MPP7: variants seen among roughly 807,000 people sequenced by gnomAD.
MPP7 encodes the protein MAGUK p55 scaffold protein 7, also known as MAGUK p55 subfamily member 7.
A neutral mutation model predicts 76.5 loss-of-function variants in MPP7; 60 were observed. That is an observed-to-expected ratio of 0.78 (90% CI 0.64 to 0.97). The LOEUF (loss-of-function observed/expected upper bound fraction) is 0.97. Among genes scored for constraint, MPP7 ranks in the 50% least tolerant of loss-of-function variants. The pLI, the probability that MPP7 is intolerant of heterozygous loss-of-function variation, is 0.00. For synonymous variants in MPP7, 237 were observed against 244.5 expected, an observed-to-expected ratio of 0.97 and a Z score of 0.29; for missense variants, 641 against 694.0, an observed-to-expected ratio of 0.92 and a Z score of 0.86.
chr10:28,295,522 T>C (rs1270262445), intron 1 of MPP7, among the ~76,000 whole-genome samples: 1 of 152,134 alleles, frequency 6.6e-6, no homozygotes, highest in Non-Finnish European at 1.5e-5. Context: ...TCCAAATTTT[T>C]ACAACATGAC....
rs1834728219 is a variant in MPP7, at chr10:28,118,514, AGTC to A, written c.952+1134_952+1136del. ...CTATTTAAAAATCCCTTTGAGAGCC[AGTC>A]AGGCAAGGAGCCTCAAAGCTCCTTT... On this transcript the variant is annotated intron_variant, in intron 11 of 16. Coordinates refer to ENST00000683449, the MANE Select transcript of MPP7 (RefSeq NM_001318170.2). 3 of 985,284 alleles carry A rather than the reference AGTC, an allele frequency of 3.0e-6. No individual in the cohort carries two copies. The African/African-American group carries it at 5.2e-5, about 17-fold the overall frequency. 61.0% of individuals were successfully genotyped at this position (985,284 alleles called of 1,614,324 possible). A position where few individuals can be genotyped will look rare whatever the true frequency, so the allele number is the denominator to read the frequency against.
intron 3 of MPP7, among the ~76,000 whole-genome samples, chr10:28,164,623 G>A (rs1223370939): frequency 2.0e-5 from 3 of 151,914 alleles, no homozygotes; most frequent in Non-Finnish European, 4.4e-5. Context: ...CATGGGCCAC[G>A]TGCAGCCCAA....
intron 11 of MPP7, among the ~76,000 whole-genome samples, chr10:28,112,808 A>G (rs927102419): frequency 1.3e-5 from 2 of 151,810 alleles, no homozygotes; most frequent in East Asian, 4.0e-4. Flanking sequence ...CCAACAATCT[A>G]TGAGTCCAGT....
chr10:28,174,191 G>A (rs113644384), intron 3 of MPP7, among the ~76,000 whole-genome samples: 4,721 of 152,266 alleles, frequency 0.031, 94 homozygotes, highest in South Asian at 0.06. Context: ...TACACTGATC[G>A]TGGCAATACA....
At chr10:28,190,913 A>G (rs1325146909) in intron 3 of MPP7, among the ~76,000 whole-genome samples, 1 of 152,130 alleles carries the variant, frequency 6.6e-6, no homozygotes, top group African/African-American at 2.4e-5. Context: ...AAAAGAGATA[A>G]GATACAAATT....
chr10:28,069,081 T>C (rs1852105166), intron 13 of MPP7, among the ~76,000 whole-genome samples: 1 of 152,138 alleles, frequency 6.6e-6, no homozygotes, highest in African/African-American at 2.4e-5. Context: ...CCATACGTGC[T>C]TGGTAAGTAC....
At chr10:28,258,743 A>C (rs2132913846) in intron 1 of MPP7, among the ~76,000 whole-genome samples, 1 of 152,206 alleles carries the variant, frequency 6.6e-6, no homozygotes. Context: ...TACTCCTATT[A>C]GTTTTACTAA....
At position 28,123,813 on chromosome 10, in the gene MPP7, C is replaced by T. The variant is rs558081268; in HGVS notation, c.615+218G>A. Among the ~76,000 whole-genome samples, 10 of 152,154 alleles carry T rather than the reference C, an allele frequency of 6.6e-5. No homozygotes were observed. The South Asian group carries it at 2.1e-3, about 32-fold the overall frequency. On this transcript the variant is annotated intron_variant, in intron 8 of 16. Coordinates refer to ENST00000683449, the MANE Select transcript of MPP7 (RefSeq NM_001318170.2). ...ATACTATCTCATTTAATCCTCAAAA[C>T]ACTCCAGATGGATAGTTACCTCTTA...
chr10:28,115,056 A>G (rs72803621), intron 11 of MPP7, among the ~76,000 whole-genome samples: 5,400 of 150,884 alleles, frequency 0.036, 125 homozygotes, highest in Middle Eastern at 0.071. Flanking sequence ...GTATTAGGGG[A>G]AAAATACGTT....
intron 8 of MPP7, among the ~76,000 whole-genome samples, chr10:28,121,310 T>G (rs910407368): frequency 1.3e-5 from 2 of 151,496 alleles, no homozygotes; most frequent in Non-Finnish European, 1.5e-5. Flanking sequence ...GTTCATACAG[T>G]TACATTTAAG....
intron 11 of MPP7, 127 bp from the exon 12 acceptor site, chr10:28,089,968 C>T: frequency 5.0e-6 from 3 of 604,884 alleles, no homozygotes; most frequent in East Asian, 5.7e-5. Context: ...AGTTAAAACC[C>T]TAATGTTTTA....
intron 1 of MPP7, among the ~76,000 whole-genome samples, chr10:28,297,182 GA>G (rs1278887613): frequency 6.6e-6 from 1 of 152,172 alleles, no homozygotes; most frequent in African/African-American, 2.4e-5. Flanking sequence ...AGTGCATATA[GA>G]AGTTATATTT....
intron 11 of MPP7, among the ~76,000 whole-genome samples, chr10:28,113,281 G>A (rs1674743369): frequency 6.6e-6 from 1 of 152,272 alleles, no homozygotes; most frequent in African/African-American, 2.4e-5. Flanking sequence ...CACACTGGTT[G>A]AGTCTGCATC....
chr10:28,225,102 G>A (rs1402608072), intron 2 of MPP7, among the ~76,000 whole-genome samples: 1 of 152,060 alleles, frequency 6.6e-6, no homozygotes, highest in Non-Finnish European at 1.5e-5. Flanking sequence ...ATACAGTGCT[G>A]GGACAATGGA....
At chr10:28,183,950 T>C (rs950559055) in intron 3 of MPP7, among the ~76,000 whole-genome samples, 1 of 152,178 alleles carries the variant, frequency 6.6e-6, no homozygotes, top group Non-Finnish European at 1.5e-5. Flanking sequence ...TGATGGTGAC[T>C]TAATATGTTC....
intron 2 of MPP7, among the ~76,000 whole-genome samples, chr10:28,235,985 A>G (rs1839062184): frequency 6.6e-6 from 1 of 152,250 alleles, no homozygotes; most frequent in Non-Finnish European, 1.5e-5. Context: ...CAGAGGAATG[A>G]CCATTAAACA....
chr10:28,118,438 C>T (rs1834725968), intron 11 of MPP7: 8 of 984,632 alleles, frequency 8.1e-6, no homozygotes, highest in African/African-American at 1.7e-5. Context: ...CTTTAAGTGA[C>T]ACATTATCTT....
intron 3 of MPP7, among the ~76,000 whole-genome samples, chr10:28,194,530 A>G (rs1161535546): frequency 1.3e-5 from 2 of 152,242 alleles, no homozygotes; most frequent in African/African-American, 4.8e-5. Context: ...ACTAAATCCT[A>G]TTCAGCAATA....
Position 28,238,645 on chromosome 10 carries a change from A to C in MPP7, c.-41T>G, listed in dbSNP as rs1223094437. 1 of 1,612,180 alleles carries C rather than the reference A, an allele frequency of 6.2e-7. No individual in the cohort carries two copies. On this transcript the variant is annotated 5_prime_UTR_variant, in exon 2 of 17. Coordinates refer to ENST00000683449, the MANE Select transcript of MPP7 (RefSeq NM_001318170.2). ...AACAGGTCAGCCCACCGCTCTCCGG[A>C]CACCCTGCCTTCGGACAGCCACAGG...
Sources: gnomAD v4.1 joint callset for allele counts (sites outside exome capture counted in the v4.1 genomes callset) on GRCh38, gnomAD v4.1.1 for gene constraint, MANE v1.5 for transcripts, NCBI Gene and HGNC (gene_info 2026-07-23, HGNC 2026-07-21) for gene names.